RBM39: variants seen among roughly 807,000 people sequenced by gnomAD.
The protein encoded by RBM39 is RNA binding motif protein 39.
In RBM39, 12 loss-of-function variants were observed where a neutral mutation model predicts 79.6. The ratio of observed to expected loss-of-function variants is 0.15; its 90% CI spans 0.10 to 0.24. The LOEUF (loss-of-function observed/expected upper bound fraction) is 0.24. Among genes scored for constraint, RBM39 ranks in the 10% least tolerant of loss-of-function variants. The probability of loss-of-function intolerance (pLI) is 1.00; values close to 1 mark genes in which losing one functional copy is unlikely to be tolerated. For synonymous variants in RBM39, 185 were observed against 208.4 expected (o/e 0.89, Z 0.97); for missense variants, 243 against 653.4 (o/e 0.37, Z 6.85).
At position 35,721,825 on chromosome 20, in the gene RBM39, G is replaced by A; in HGVS notation, c.740C>T (p.Ala247Val). Residue 247 changes from alanine (A) to valine (V), a missense_variant, in exon 9 of 17, where the codon GCT becomes GTT. Ala to Val is a moderately conservative substitution (Grantham distance 64). This residue lies in a region of RBM39 where 61 missense variants were observed against 322.9 expected (regional missense o/e 0.19). Coordinates refer to ENST00000253363, the MANE Select transcript of RBM39 (RefSeq NM_184234.3). ...GCCCACATAAAGCCTCATAGGTCCA[G>A]CACTTCCCTTTTGTAAATTGTTTGC... is the stretch of plus-strand genomic sequence containing the variant. The part of the protein sequence containing the change: ...AMANNLQKGS[A>V]GPMRLYVGSL... The A allele has an allele frequency of 6.2e-7, 1 of 1,613,934 alleles. No homozygotes were observed. Among genetic ancestry groups the A allele is most frequent in the Non-Finnish European group, 8.5e-7 (1 of 1,179,866 alleles).
intron 13 of RBM39, chr20:35,707,642 T>C: frequency 5.4e-6 from 1 of 183,604 alleles, no homozygotes; most frequent in Admixed American, 5.8e-5. Context: ...GTTTTTTAAA[T>C]CTACAAATTA....
At chr20:35,723,449 CTTTTT>C (rs2038248267) in intron 8 of RBM39, among the ~76,000 whole-genome samples, 1 of 151,890 alleles carries the variant, frequency 6.6e-6, no homozygotes, top group Non-Finnish European at 1.5e-5. Flanking sequence ...ACTCTTTTTT[CTTTTT>C]GAGACACAGT....
chr20:35,729,579 G>A (rs369777000), intron 4 of RBM39, 52 bp from the exon 5 acceptor site: 2 of 1,521,686 alleles, frequency 1.3e-6, no homozygotes, highest in Non-Finnish European at 1.8e-6. Context: ...GTCTTGCTAA[G>A]ATCGCATTCA....
At chr20:35,710,113 T>C (rs2036221735) in intron 12 of RBM39, among the ~76,000 whole-genome samples, 1 of 152,206 alleles carries the variant, frequency 6.6e-6, no homozygotes, top group African/African-American at 2.4e-5. Flanking sequence ...TAATGCTCTC[T>C]TGAAGTTCTT....
At chr20:35,736,921 G>A (rs1311801255) in intron 3 of RBM39, among the ~76,000 whole-genome samples, 1 of 151,322 alleles carries the variant, frequency 6.6e-6, no homozygotes, top group Non-Finnish European at 1.5e-5. Context: ...AAAGTGCTGG[G>A]ATTACAGGTG....
chr20:35,725,197 T>A (rs1426052852), intron 6 of RBM39, 42 bp from the exon 7 acceptor site: 29 of 1,273,826 alleles, frequency 2.3e-5, no homozygotes, highest in Middle Eastern at 2.7e-4. Flanking sequence ...CATAACAGAT[T>A]TTAAAATAAT....
rs544038056 is a variant in RBM39, at chr20:35,703,486, G to A, written c.*995C>T. 2.0e-5 allele frequency: 3 copies of A among 152,298 alleles called. No homozygotes were observed. The East Asian group carries it at 5.8e-4, about 29-fold the overall frequency. 9.4% of individuals were successfully genotyped at this position (152,298 alleles called of 1,614,324 possible). The stretch of plus-strand genomic sequence containing the variant: ...AGGAATTCATGGGGGACAACGTGAG[G>A]GCAAGTTTCCGCAGACTCGGAACAT... On this transcript the variant is annotated 3_prime_UTR_variant, in exon 17 of 17. Transcript: ENST00000253363.
At chr20:35,719,374 T>C (rs1428150157) in intron 9 of RBM39, among the ~76,000 whole-genome samples, 1 of 151,880 alleles carries the variant, frequency 6.6e-6, no homozygotes, top group African/African-American at 2.4e-5. Context: ...TGGAAGAGAG[T>C]TGAGTACTTG....
intron 3 of RBM39, among the ~76,000 whole-genome samples, chr20:35,733,121 G>A (rs1011899789): frequency 5.3e-5 from 8 of 151,950 alleles, no homozygotes; most frequent in African/African-American, 1.5e-4. Context: ...CGGCCAACAC[G>A]GTGAAATCCC....
At position 35,718,300 on chromosome 20, in the gene RBM39, G is replaced by C. The variant is rs528440810; in HGVS notation, c.826-1495C>G. Among the ~76,000 whole-genome samples the C allele has an allele frequency of 2.6e-5, 4 of 152,120 alleles. No homozygotes were observed. In the South Asian group the frequency reaches 8.3e-4, roughly 32 times the overall value. ...AACAAAACAAAAAAAAAACGGGTAA[G>C]GGCTGCCTCTAGAAAAGGAGTAGTC... is the stretch of plus-strand genomic sequence containing the variant. On this transcript the variant is annotated intron_variant, in intron 9 of 16. Coordinates refer to ENST00000253363, the MANE Select transcript of RBM39 (RefSeq NM_184234.3).
chr20:35,731,871 T>A, intron 4 of RBM39, 70 bp downstream of exon 4: 1 of 1,341,354 alleles, frequency 7.5e-7, no homozygotes, highest in Non-Finnish European at 1.1e-6. Flanking sequence ...TTCAAATCAC[T>A]CAAGTTAAAC....
chr20:35,740,697 A>T, intron 2 of RBM39, 127 bp downstream of exon 2: 1 of 1,295,448 alleles, frequency 7.7e-7, no homozygotes, highest in Non-Finnish European at 1.1e-6. Context: ...TGTAAGTTAC[A>T]CGTAATGCAT....
intron 8 of RBM39, among the ~76,000 whole-genome samples, chr20:35,722,590 T>C (rs6060580): frequency 0.19 from 28,224 of 149,956 alleles, 3,049 homozygotes; most frequent in African/African-American, 0.31. Flanking sequence ...CCCCACATCA[T>C]ACCCTGCTTA....
At chr20:35,721,716 A>G (rs765432975) in intron 9 of RBM39, 24 bp downstream of exon 9, 1 of 1,610,852 alleles carries the variant, frequency 6.2e-7, no homozygotes, top group Non-Finnish European at 8.5e-7. Context: ...CCTACTGAAG[A>G]TTCATTGAAG....
rs1413947669 is a variant in RBM39, at chr20:35,707,049, AAAG to A, written c.1307+68_1307+70del. ...TCTTAAAAAAAAAAAAAAAAAAAAA[AAAG>A]AGAAATATATAAAACAACTCTATTG... On this transcript the variant is annotated intron_variant, in intron 14 of 16. Transcript: ENST00000253363. 1.9e-5 allele frequency: 14 copies of A among 726,822 alleles called. No homozygotes were observed. The East Asian group carries it at 3.7e-4, about 19-fold the overall frequency. 45.0% of individuals were successfully genotyped at this position (726,822 alleles called of 1,614,324 possible).
chr20:35,728,397 T>C (rs998703144), intron 6 of RBM39, among the ~76,000 whole-genome samples: 5 of 152,188 alleles, frequency 3.3e-5, no homozygotes, highest in Non-Finnish European at 7.4e-5. Context: ...GTAACTGTAT[T>C]ACCCATATAC....
chr20:35,717,363 GA>G (rs199964942), intron 9 of RBM39, among the ~76,000 whole-genome samples: 58 of 148,478 alleles, frequency 3.9e-4, no homozygotes, highest in African/African-American at 1.3e-3. Flanking sequence ...GCAGAGGGGA[GA>G]AAAAAAAACT....
At chr20:35,707,255 T>C in intron 13 of RBM39, 54 bp from the exon 14 acceptor site, 1 of 1,308,414 alleles carries the variant, frequency 7.6e-7, no homozygotes. Flanking sequence ...AAAGTATCCC[T>C]CATAAATACT....
chr20:35,725,248 C>T, intron 6 of RBM39, 93 bp from the exon 7 acceptor site: 2 of 881,044 alleles, frequency 2.3e-6, no homozygotes. Context: ...AACAGGTTTT[C>T]AGGTACAGGT....
Sources: allele counts gnomAD v4.1 joint callset (sites outside exome capture counted in the v4.1 genomes callset), GRCh38; gene constraint gnomAD v4.1.1; regional missense constraint gnomAD v4.1.1; transcripts MANE v1.5; gene names NCBI Gene and HGNC (gene_info 2026-07-23, HGNC 2026-07-21).